Variants in GTPBP10 observed in about 807,000 individuals in gnomAD.
GTPBP10 encodes the protein GTP binding protein 10, also known as GTP-binding protein 10.
In GTPBP10, 38 loss-of-function variants were observed where a neutral mutation model predicts 44.8. The observed-to-expected ratio is 0.85, with a 90% CI of 0.65 to 1.11. The LOEUF is 1.11. GTPBP10 is among the 50% of genes most tolerant of loss of function. The probability of loss-of-function intolerance (pLI) is 0.00; values close to 1 mark genes in which losing one functional copy is unlikely to be tolerated. For synonymous variants in GTPBP10, 152 were observed against 150.6 expected, an observed-to-expected ratio of 1.01 and a Z score of -0.07; for missense variants, 462 against 453.7, an observed-to-expected ratio of 1.02 and a Z score of -0.17.
rs181727970 is a variant in GTPBP10, at chr7:90,364,912, G to A, written c.465-7243G>A. On this transcript the variant is annotated intron_variant, in intron 4 of 9. Coordinates refer to ENST00000222511, the MANE Select transcript of GTPBP10 (RefSeq NM_033107.4). ...TAGCAATGAGTGAAGCTCCGTGAGC[G>A]TGGGACCCTCCAAGCCAGGTGCGGA... is the stretch of plus-strand genomic sequence containing the variant. 1.1e-4 allele frequency among the ~76,000 whole-genome samples: 17 copies of A among 152,286 alleles called. No homozygotes were observed. In the East Asian group the frequency reaches 2.1e-3, roughly 19 times the overall value.
chr7:90,379,890 T>C (rs1024492425), intron 8 of GTPBP10, among the ~76,000 whole-genome samples: 2 of 152,186 alleles, frequency 1.3e-5, no homozygotes, highest in Non-Finnish European at 2.9e-5. Flanking sequence ...TATTTTGTTA[T>C]AGTTCTTATT....
chr7:90,375,110 G>T (rs1367123511), intron 6 of GTPBP10, among the ~76,000 whole-genome samples: 1 of 152,064 alleles, frequency 6.6e-6, no homozygotes, highest in African/African-American at 2.4e-5. Flanking sequence ...GTAATACTAA[G>T]TGAGAGAAGC....
chr7:90,386,790 C>T lies in GTPBP10; in HGVS notation c.*1636C>T, dbSNP rs1796532212. 1 of 152,120 alleles carries T rather than the reference C, an allele frequency of 6.6e-6. No homozygotes were observed. 9.4% of individuals were successfully genotyped at this position (152,120 alleles called of 1,614,324 possible). On this transcript the variant is annotated 3_prime_UTR_variant, in exon 10 of 10. Coordinates refer to ENST00000222511, the MANE Select transcript of GTPBP10 (RefSeq NM_033107.4). ...TTCACAAATACAAACTGGACATTTT[C>T]CCTTTAAATGAGTTTTATTATAAAA...
At position 90,388,242 on chromosome 7, in the gene GTPBP10, T is replaced by C. The variant is rs147564481; in HGVS notation, c.*3088T>C. The stretch of plus-strand genomic sequence containing the variant: ...AAACAAAGACTTATTTTGAAGTAAG[T>C]CTTTTAACATTATCTCAGATGCATT... On this transcript the variant is annotated 3_prime_UTR_variant, in exon 10 of 10. Transcript: ENST00000222511. 561 of 152,320 alleles carry C rather than the reference T, an allele frequency of 3.7e-3. 2 individuals are homozygous for C. The highest frequency in any genetic ancestry group is 0.012 in the African/African-American group (516 of 41,570). 9.4% of individuals were successfully genotyped at this position (152,320 alleles called of 1,614,324 possible).
chr7:90,372,328 T>G, intron 5 of GTPBP10, 100 bp downstream of exon 5: 2 of 856,830 alleles, frequency 2.3e-6, no homozygotes, highest in Non-Finnish European at 3.5e-6. Context: ...GAGGGTATCC[T>G]TAACTGAAAA....
chr7:90,371,257 GA>G (rs1346614961), intron 4 of GTPBP10: 2 of 769,792 alleles, frequency 2.6e-6, no homozygotes, highest in Non-Finnish European at 3.2e-6. Context: ...TGTTTAGAGT[GA>G]AAAATTGTAG....
chr7:90,350,814 AGC>A (rs893985620), intron 1 of GTPBP10, among the ~76,000 whole-genome samples: 4 of 152,218 alleles, frequency 2.6e-5, no homozygotes, highest in Admixed American at 2.0e-4. Flanking sequence ...AGGCCATCGC[AGC>A]TACAGATTTT....
intron 1 of GTPBP10, among the ~76,000 whole-genome samples, chr7:90,352,463 T>C (rs896564156): frequency 6.6e-6 from 1 of 152,266 alleles, no homozygotes; most frequent in Non-Finnish European, 1.5e-5. Context: ...TGGAAATGTC[T>C]GACAGATTGG....
At chr7:90,361,195 C>T (rs543425406) in intron 4 of GTPBP10, among the ~76,000 whole-genome samples, 14 of 152,180 alleles carry the variant, frequency 9.2e-5, no homozygotes, top group African/African-American at 3.4e-4. Context: ...CGAGAGAGGG[C>T]ATCCCTGTGT....
At chr7:90,352,678 G>GA in intron 1 of GTPBP10, 138 bp from the exon 2 acceptor site, 1 of 574,028 alleles carries the variant, frequency 1.7e-6, no homozygotes, top group Non-Finnish European at 3.0e-6. Context: ...GGTGAGCTAA[G>GA]AAAATGTTAT....
Position 90,390,652 on chromosome 7 carries a change from T to C in GTPBP10, c.*5498T>C, listed in dbSNP as rs1796597953. 6.6e-6 allele frequency: 1 copy of C among 152,196 alleles called. No homozygotes were observed. The highest frequency in any genetic ancestry group is 2.4e-5 in the African/African-American group (1 of 41,460). The allele number at this position is 152,196 out of a possible 1,614,324, so 9.4% of individuals were successfully genotyped here. A position where few individuals can be genotyped will look rare whatever the true frequency, so the allele number is the denominator to read the frequency against. On this transcript the variant is annotated 3_prime_UTR_variant, in exon 10 of 10. Coordinates refer to ENST00000222511, the MANE Select transcript of GTPBP10 (RefSeq NM_033107.4). The stretch of plus-strand genomic sequence containing the variant: ...GAGCAATATATGGCATGATAGTATT[T>C]TCTTATCTAAATTCTGAGTGCATTG...
chr7:90,374,126 C>T (rs1206848069), intron 5 of GTPBP10, among the ~76,000 whole-genome samples, 176 bp from the exon 6 acceptor site: 1 of 152,208 alleles, frequency 6.6e-6, no homozygotes. Context: ...ACATGAGCCA[C>T]AACATTTGGC....
intron 4 of GTPBP10, among the ~76,000 whole-genome samples, chr7:90,361,361 A>C (rs1306669431): frequency 6.6e-6 from 1 of 152,144 alleles, no homozygotes; most frequent in African/African-American, 2.4e-5. Flanking sequence ...GAATTTTGTC[A>C]AAGGCCTTTT....
chr7:90,365,505 A>G (rs1334745354), intron 4 of GTPBP10, among the ~76,000 whole-genome samples: 2 of 147,816 alleles, frequency 1.4e-5, no homozygotes, highest in African/African-American at 5.0e-5. Flanking sequence ...CCTCCCAAGT[A>G]GCTGGGACTA....
In GTPBP10 at chr7:90,385,185, A is replaced by G. The variant is rs1381982278; in HGVS notation, c.*31A>G. 4 of 1,450,144 alleles carry G rather than the reference A, an allele frequency of 2.8e-6. No homozygotes were observed. The East Asian group carries it at 9.2e-5, about 33-fold the overall frequency. The allele number at this position is 1,450,144 out of a possible 1,614,324, so 89.8% of individuals were successfully genotyped here. On this transcript the variant is annotated 3_prime_UTR_variant, in exon 10 of 10. Coordinates refer to ENST00000222511, the MANE Select transcript of GTPBP10 (RefSeq NM_033107.4). ...TTAAAAATGGTATTGATGGAACAGT[A>G]TTTAATGCTTAAAAACAAGGAAATC...
intron 4 of GTPBP10, among the ~76,000 whole-genome samples, chr7:90,363,223 C>T (rs1321926513): frequency 6.6e-6 from 1 of 152,142 alleles, no homozygotes; most frequent in Non-Finnish European, 1.5e-5. Context: ...CGGTTTGTTC[C>T]TAGCGTTGGT....
chr7:90,357,403 C>T (rs982987269), intron 4 of GTPBP10, among the ~76,000 whole-genome samples: 2 of 152,044 alleles, frequency 1.3e-5, no homozygotes, highest in Non-Finnish European at 2.9e-5. Context: ...CTGGATGAAA[C>T]AGGGTATGAA....
intron 4 of GTPBP10, among the ~76,000 whole-genome samples, chr7:90,355,553 T>C (rs1795880630): frequency 6.6e-6 from 1 of 151,970 alleles, no homozygotes; most frequent in South Asian, 2.1e-4. Flanking sequence ...TAATAATAAA[T>C]CCAAACAAAC....
rs1053399220 is a variant in GTPBP10 at position 90,386,710 on chromosome 7, A to T, written c.*1556A>T. 6.6e-6 allele frequency: 1 copy of T among 152,216 alleles called. No individual in the cohort carries two copies. The highest frequency in any genetic ancestry group is 1.5e-5 in the Non-Finnish European group (1 of 68,038). 9.4% of individuals were successfully genotyped at this position (152,216 alleles called of 1,614,324 possible). On this transcript the variant is annotated 3_prime_UTR_variant, in exon 10 of 10. Coordinates refer to ENST00000222511, the MANE Select transcript of GTPBP10 (RefSeq NM_033107.4). ...AACAGAAAACGCAAACTTTAATATT[A>T]TCAACAATCAATATATTATAAGAGA...
Sources: allele counts gnomAD v4.1 joint callset (sites outside exome capture counted in the v4.1 genomes callset), GRCh38; gene constraint gnomAD v4.1.1; transcripts MANE v1.5; gene names NCBI Gene and HGNC (gene_info 2026-07-23, HGNC 2026-07-21).